NADK: variants seen among roughly 807,000 people sequenced by gnomAD.
The protein encoded by NADK is NAD kinase.
Under a neutral mutation model 49.8 loss-of-function variants are expected in NADK, and 22 were observed. That is an observed-to-expected ratio of 0.44 (90% CI 0.32 to 0.63). The LOEUF (loss-of-function observed/expected upper bound fraction) is 0.63, where lower values mean the gene tolerates loss of function less well. Among genes scored for constraint, NADK ranks in the 30% least tolerant of loss-of-function variants. The pLI is 0.06. For synonymous variants in NADK, 268 were observed against 253.7 expected (o/e 1.06, Z -0.54); for missense variants, 438 against 609.4 (o/e 0.72, Z 2.96).
At chr1:1,761,924 C>T in intron 3 of NADK, 28 bp downstream of exon 3, 1 of 1,608,106 alleles carries the variant, frequency 6.2e-7, no homozygotes, top group Non-Finnish European at 8.5e-7. Flanking sequence ...CTTCCAAGAA[C>T]CCCCCGTCCT....
chr1:1,754,892 G>C lies in NADK; in HGVS notation c.689-194C>G. Reference sequence around the variant, plus strand: ...GCTGGAATGCAGTGGTGTGATCTTGGCTCACTGCAACCTCTGCCTCCCAGG... The same window carrying C: ...GCTGGAATGCAGTGGTGTGATCTTGCCTCACTGCAACCTCTGCCTCCCAGG... On this transcript the variant is annotated intron_variant, in intron 7 of 11. Coordinates refer to ENST00000341426, the MANE Select transcript of NADK (RefSeq NM_023018.5). This position sits in a 1 kb window ranked among gnomAD's most constrained non-coding sequence, Gnocchi z 4.3. 1.8e-6 allele frequency: 1 copy of C among 559,498 alleles called. No individual in the cohort carries two copies. The highest frequency in any genetic ancestry group is 3.1e-6 in the Non-Finnish European group (1 of 325,454). 34.7% of individuals were successfully genotyped at this position (559,498 alleles called of 1,614,324 possible).
intron 4 of NADK, 197 bp downstream of exon 4, chr1:1,756,984 A>C: frequency 1.1e-6 from 1 of 936,070 alleles, no homozygotes; most frequent in Non-Finnish European, 1.7e-6. Context: ...ATTGTTGGTC[A>C]CCCAGTCTGG....
intron 2 of NADK, among the ~76,000 whole-genome samples, chr1:1,764,895 A>C (rs35270315): frequency 0.82 from 124,106 of 152,070 alleles, 52,878 homozygotes; most frequent in Non-Finnish European, 0.94. Context: ...AGCGAGACTC[A>C]GTCTCAAAAA....
chr1:1,777,391 A>AG (rs1160068473), intron 1 of NADK, among the ~76,000 whole-genome samples: 1 of 152,188 alleles, frequency 6.6e-6, no homozygotes, highest in African/African-American at 2.4e-5. Context: ...TGACATCAGG[A>AG]GGAAAAAAAA....
chr1:1,757,111 C>A, intron 4 of NADK, 70 bp downstream of exon 4: 2 of 1,543,130 alleles, frequency 1.3e-6, no homozygotes, highest in Admixed American at 3.9e-5. Context: ...TCTCACGGGG[C>A]GGTGATGTGG....
intron 1 of NADK, among the ~76,000 whole-genome samples, chr1:1,767,789 T>C (rs573373896): frequency 6.6e-6 from 1 of 152,158 alleles, no homozygotes; most frequent in East Asian, 1.9e-4. Context: ...GCTTGGACTA[T>C]AGGTGTGAGC....
At chr1:1,769,969 C>CAAAACAAAAACA (rs143674742) in intron 1 of NADK, among the ~76,000 whole-genome samples, 7 of 147,332 alleles carry the variant, frequency 4.8e-5, no homozygotes, top group African/African-American at 1.5e-4. Context: ...TCCCAGCACT[C>CAAAACAAAAACA]AAAACAAAAA....
rs998175401 is a variant in NADK at position 1,754,835 on chromosome 1, A to C, written c.689-137T>G. The C allele has an allele frequency of 5.1e-5, 41 of 809,572 alleles. No homozygotes were observed. Among genetic ancestry groups the C allele is most frequent in the African/African-American group, 3.8e-4 (22 of 57,598 alleles). The allele number at this position is 809,572 out of a possible 1,614,324, so 50.1% of individuals were successfully genotyped here. A position where few individuals can be genotyped will look rare whatever the true frequency, so the allele number is the denominator to read the frequency against. On this transcript the variant is annotated intron_variant, in intron 7 of 11. Coordinates refer to ENST00000341426, the MANE Select transcript of NADK (RefSeq NM_023018.5). This position sits in a 1 kb window ranked among gnomAD's most constrained non-coding sequence, Gnocchi z 4.3. ...CACACTTCTGTGCCTTTTTCTTTTT[A>C]TTTTGAGATGGAGTCTCACTCTGTC...
intron 2 of NADK, among the ~76,000 whole-genome samples, chr1:1,764,495 A>G (rs1055926182): frequency 1.9e-4 from 29 of 152,228 alleles, no homozygotes; most frequent in Admixed American, 1.2e-3. Context: ...GGCCACGCTC[A>G]TAACTCTGCC....
intron 2 of NADK, 124 bp from the exon 3 acceptor site, chr1:1,762,159 T>C: frequency 1.3e-6 from 1 of 782,244 alleles, no homozygotes. Context: ...CAACTCCATC[T>C]GCCCAGCAGC....
At chr1:1,759,861 G>GA in intron 3 of NADK, 1 of 1,550,788 alleles carries the variant, frequency 6.4e-7, no homozygotes, top group Non-Finnish European at 8.7e-7. Flanking sequence ...ACTGACGGCT[G>GA]GTGAAGGCAG....
In NADK at chr1:1,752,837, G is replaced by A. The variant is rs1346389886; in HGVS notation, c.*67C>T. The A allele has an allele frequency of 8.4e-6, 13 of 1,541,048 alleles. No homozygotes were observed. The highest frequency in any genetic ancestry group is 1.1e-5 in the Non-Finnish European group (13 of 1,132,524). ...AGACAGGCGGTCACAGACACACGCAGATTGGTCTGTCCCCAGAGGGCGCTT... is the reference window on the plus strand; with the variant it reads ...AGACAGGCGGTCACAGACACACGCAAATTGGTCTGTCCCCAGAGGGCGCTT... On this transcript the variant is annotated 3_prime_UTR_variant, in exon 12 of 12. Transcript: ENST00000341426.
intron 3 of NADK, among the ~76,000 whole-genome samples, chr1:1,760,812 C>T (rs1000679678): frequency 6.6e-6 from 1 of 152,062 alleles, no homozygotes. Flanking sequence ...GTGCAGAATA[C>T]GACTCTCAGG....
chr1:1,768,306 G>A (rs779869338), intron 1 of NADK, among the ~76,000 whole-genome samples: 4 of 152,120 alleles, frequency 2.6e-5, no homozygotes, highest in African/African-American at 4.8e-5. Context: ...GGGAGGCTGA[G>A]GTAAGAGGAT....
In NADK at chr1:1,771,832, G is replaced by A. The variant is rs193159700; in HGVS notation, c.-40-6386C>T. ...TTTTTTTTTGTCTTTTTGTGAGACA[G>A]GATCTCCCACTGTTGCCCAGGCTGG... On this transcript the variant is annotated intron_variant, in intron 1 of 11. Coordinates refer to ENST00000341426, the MANE Select transcript of NADK (RefSeq NM_023018.5). 4.3e-3 allele frequency among the ~76,000 whole-genome samples: 645 copies of A among 151,486 alleles called. 5 individuals are homozygous for A. The highest frequency in any genetic ancestry group is 0.015 in the African/African-American group (603 of 41,306).
At chr1:1,753,201 G>T in intron 11 of NADK, 141 bp from the exon 12 acceptor site, 1 of 1,046,314 alleles carries the variant, frequency 9.6e-7, no homozygotes, top group Non-Finnish European at 1.4e-6. Context: ...AGGCAGGCTT[G>T]AGCAGTGCCC....
chr1:1,774,081 A>T (rs934660716), intron 1 of NADK, among the ~76,000 whole-genome samples: 3 of 152,040 alleles, frequency 2.0e-5, no homozygotes, highest in Non-Finnish European at 4.4e-5. Context: ...TTGATGACTA[A>T]GCAGTAAACT....
At chr1:1,757,147 C>CGGGGGCG in intron 4 of NADK, 34 bp downstream of exon 4, 2 of 1,417,172 alleles carry the variant, frequency 1.4e-6, no homozygotes, top group Non-Finnish European at 1.9e-6. Flanking sequence ...ACTCCATGTG[C>CGGGGGCG]ACCCCAGGCC....
chr1:1,779,523 G>T (rs71630940), upstream of NADK, among the ~76,000 whole-genome samples: 2 of 152,252 alleles, frequency 1.3e-5, no homozygotes, highest in South Asian at 4.1e-4. Context: ...TCGTCCCCCA[G>T]GCCGGAGTCC....
Sources: allele counts gnomAD v4.1 joint callset (sites outside exome capture counted in the v4.1 genomes callset), GRCh38; gene constraint gnomAD v4.1.1; non-coding constraint Gnocchi (gnomAD v3.1); transcripts MANE v1.5; gene names NCBI Gene and HGNC (gene_info 2026-07-23, HGNC 2026-07-21).